SLC2A9: variants seen among roughly 807,000 people sequenced by gnomAD.
The protein encoded by SLC2A9 is solute carrier family 2, facilitated glucose transporter member 9.
In SLC2A9, 39 loss-of-function variants were observed where a neutral mutation model predicts 50.6. The observed-to-expected ratio is 0.77, with a 90% confidence interval of 0.60 to 1.01. SLC2A9 has a LOEUF of 1.01. Ranked by LOEUF, SLC2A9 falls within the 50% of genes least tolerant of loss-of-function variation. The probability of loss-of-function intolerance (pLI) is 0.00; values close to 1 mark genes in which losing one functional copy is unlikely to be tolerated. For synonymous variants in SLC2A9, 324 were observed against 276.9 expected (o/e 1.17, Z -1.69); for missense variants, 686 against 677.6 (o/e 1.01, Z -0.14).
chr4:9,941,385 T>C (rs1748095895), intron 6 of SLC2A9, among the ~76,000 whole-genome samples: 1 of 152,144 alleles, frequency 6.6e-6, no homozygotes, highest in African/African-American at 2.4e-5. Flanking sequence ...TACTCCTTCC[T>C]CCCTCGAAGG....
intron 5 of SLC2A9, among the ~76,000 whole-genome samples, chr4:9,958,256 T>C (rs1246145248): frequency 6.6e-6 from 1 of 152,246 alleles, no homozygotes; most frequent in Non-Finnish European, 1.5e-5. Flanking sequence ...ATTGCATGTT[T>C]TCTTCTTAAG....
chr4:10,036,974 A>T (rs1764128032), intron 1 of SLC2A9, among the ~76,000 whole-genome samples: 1 of 152,184 alleles, frequency 6.6e-6, no homozygotes, highest in Non-Finnish European at 1.5e-5. Flanking sequence ...ATTGTTAAGC[A>T]TTCTCAAATC....
intron 3 of SLC2A9, among the ~76,000 whole-genome samples, chr4:9,806,497 C>A (rs1722135066): frequency 1.3e-5 from 2 of 152,212 alleles, no homozygotes; most frequent in Non-Finnish European, 2.9e-5. Context: ...GCTGTCAGCT[C>A]TGAAGGCTGT....
intron 6 of SLC2A9, among the ~76,000 whole-genome samples, chr4:9,929,024 A>T (rs909388271): frequency 6.6e-6 from 1 of 152,228 alleles, no homozygotes; most frequent in Non-Finnish European, 1.5e-5. Context: ...CGCTTCATCA[A>T]GTTCAGCCAG....
intron 8 of SLC2A9, among the ~76,000 whole-genome samples, chr4:9,902,135 GAC>G (rs1286057882): frequency 1.4e-5 from 2 of 148,054 alleles, no homozygotes; most frequent in Admixed American, 6.7e-5. Context: ...CCTGGAGCCT[GAC>G]CACAATATTT....
chr4:9,946,990 C>A (rs1749298238), intron 5 of SLC2A9, among the ~76,000 whole-genome samples: 1 of 152,194 alleles, frequency 6.6e-6, no homozygotes, highest in Non-Finnish European at 1.5e-5. Context: ...ACCCCTTCCT[C>A]CAAGCCTGCT....
At chr4:10,015,835 C>T (rs557641406) in intron 2 of SLC2A9, among the ~76,000 whole-genome samples, 22 of 152,222 alleles carry the variant, frequency 1.4e-4, no homozygotes, top group Non-Finnish European at 2.6e-4. Flanking sequence ...CAGCCAAAGA[C>T]ACTGACGTCT....
At chr4:10,033,206 C>A (rs184684053) in intron 1 of SLC2A9, among the ~76,000 whole-genome samples, 1 of 152,288 alleles carries the variant, frequency 6.6e-6, no homozygotes, top group East Asian at 1.9e-4. Context: ...CAGGAAAGAG[C>A]TAAGGTTGTT....
At chr4:9,844,679 G>A (rs866501432) in intron 10 of SLC2A9, among the ~76,000 whole-genome samples, 85 of 152,336 alleles carry the variant, frequency 5.6e-4, no homozygotes, top group Admixed American at 2.3e-3. Flanking sequence ...GTCTTGTGGC[G>A]ACAGCGCCCT....
At chr4:9,834,280 T>C (rs2109140393) in intron 11 of SLC2A9, among the ~76,000 whole-genome samples, 1 of 152,332 alleles carries the variant, frequency 6.6e-6, no homozygotes, top group East Asian at 1.9e-4. Flanking sequence ...ACACAGGCTT[T>C]GTTACCACTG....
upstream of SLC2A9, among the ~76,000 whole-genome samples, chr4:10,024,768 G>A (rs2109579488): frequency 6.6e-6 from 1 of 152,310 alleles, no homozygotes; most frequent in Admixed American, 6.5e-5. Flanking sequence ...ATTTCCTAAG[G>A]CTAAAAAGTT....
chr4:9,906,064 A>G (rs1035761980), intron 8 of SLC2A9, among the ~76,000 whole-genome samples: 1 of 152,208 alleles, frequency 6.6e-6, no homozygotes, highest in African/African-American at 2.4e-5. Context: ...AAGAATAGTT[A>G]CCACTTACTG....
rs16889691 is a variant in SLC2A9, at chr4:9,858,139, G to A, written c.1292-23131C>T. Among the ~76,000 whole-genome samples the A allele has an allele frequency of 2.1e-3, 321 of 152,286 alleles. 7 individuals are homozygous for A. The East Asian group carries it at 0.056, about 26-fold the overall frequency. ...AGAAAGAACATACTGAGTTGTAAAT[G>A]GTTCTGAGACACTAAATTGATCTGC... On this transcript the variant is annotated intron_variant, in intron 10 of 11. Transcript: ENST00000264784.
intron 5 of SLC2A9, among the ~76,000 whole-genome samples, chr4:9,965,621 G>A (rs1352564839): frequency 6.6e-6 from 1 of 152,178 alleles, no homozygotes; most frequent in African/African-American, 2.4e-5. Flanking sequence ...GGTAATGAAT[G>A]AGGATAACAA....
chr4:9,982,691 C>T (rs1430378401), intron 4 of SLC2A9, among the ~76,000 whole-genome samples: 1 of 152,190 alleles, frequency 6.6e-6, no homozygotes, highest in East Asian at 1.9e-4. Context: ...CTCATCCAGG[C>T]TTTCTCCAAA....
chr4:9,844,186 T>C (rs909724430), intron 10 of SLC2A9, among the ~76,000 whole-genome samples: 9 of 147,844 alleles, frequency 6.1e-5, no homozygotes, highest in Non-Finnish European at 1.2e-4. Flanking sequence ...AAAAAGTCCT[T>C]CTGACTCCTT....
At chr4:9,826,979 C>T (rs1196607200) in intron 11 of SLC2A9, among the ~76,000 whole-genome samples, 2 of 152,170 alleles carry the variant, frequency 1.3e-5, no homozygotes, top group Non-Finnish European at 2.9e-5. Flanking sequence ...ACAAGAATGA[C>T]ATCAAAAGGG....
chr4:9,811,644 C>A (rs2108993985), intron 3 of SLC2A9, among the ~76,000 whole-genome samples: 1 of 152,266 alleles, frequency 6.6e-6, no homozygotes, highest in East Asian at 1.9e-4. Context: ...TCAGGAGACA[C>A]CACAGGGATC....
intron 9 of SLC2A9, among the ~76,000 whole-genome samples, chr4:9,889,014 G>A (rs1055029536): frequency 6.6e-6 from 1 of 152,142 alleles, no homozygotes; most frequent in South Asian, 2.1e-4. Context: ...CCAGGCCCTT[G>A]CCCTACACAA....
Sources: gnomAD v4.1 joint callset for allele counts (sites outside exome capture counted in the v4.1 genomes callset) on GRCh38, gnomAD v4.1.1 for gene constraint, MANE v1.5 for transcripts, NCBI Gene and HGNC (gene_info 2026-07-23, HGNC 2026-07-21) for gene names.